Variants in ITGA2 observed in about 807,000 individuals in gnomAD.
ITGA2 encodes integrin subunit alpha 2.
Under a neutral mutation model 146.3 loss-of-function variants are expected in ITGA2, and 101 were observed. The observed-to-expected ratio is 0.69, with a 90% CI of 0.59 to 0.81. The LOEUF is 0.81. Among genes scored for constraint, ITGA2 ranks in the 40% least tolerant of loss-of-function variants. The probability of loss-of-function intolerance (pLI) is 0.00; values close to 1 mark genes in which losing one functional copy is unlikely to be tolerated. For missense variants in ITGA2, 1,281 were observed against 1,402.7 expected (o/e 0.91, Z 1.39); for synonymous variants, 477 against 487.1 (o/e 0.98, Z 0.27).
At chr5:53,012,278 T>C (rs974069024) in intron 1 of ITGA2, among the ~76,000 whole-genome samples, 4 of 152,182 alleles carry the variant, frequency 2.6e-5, no homozygotes, top group Non-Finnish European at 4.4e-5. Context: ...GATGAGTTTG[T>C]TCCTAATACA....
rs1271970386 is a variant in ITGA2 at position 53,048,622 on chromosome 5, CTTTCCTCT to C, written c.503-14_503-7del. 1 of 1,614,042 alleles carries C rather than the reference CTTTCCTCT, an allele frequency of 6.2e-7. No individual in the cohort carries two copies. The highest frequency in any genetic ancestry group is 1.1e-5 in the South Asian group (1 of 91,070). On this transcript the variant is annotated splice_polypyrimidine_tract_variant and intron_variant, in intron 5 of 29. Transcript: ENST00000296585. ...ATGACTTACCTGTGGAAATCTGCTT[CTTTCCTCT>C]TTTCCTGTGTAGCCTGCCCTTCCCT...
intron 2 of ITGA2, among the ~76,000 whole-genome samples, chr5:53,033,518 G>A (rs1160088043): frequency 6.6e-6 from 1 of 151,932 alleles, no homozygotes; most frequent in Non-Finnish European, 1.5e-5. Flanking sequence ...CTTACCATTA[G>A]GTTGTCCTGG....
intron 2 of ITGA2, among the ~76,000 whole-genome samples, chr5:53,035,531 C>T (rs1268511948): frequency 6.6e-6 from 1 of 152,034 alleles, no homozygotes. Flanking sequence ...CATAATGAGG[C>T]CTAAATACTA....
intron 27 of ITGA2, 132 bp from the exon 28 acceptor site, chr5:53,086,820 C>T (rs1179277488): frequency 1.4e-6 from 1 of 737,388 alleles, no homozygotes; most frequent in Non-Finnish European, 2.4e-6. Flanking sequence ...CACACAGATT[C>T]TGGATGGGTC....
At chr5:53,069,629 C>T (rs1182885311) in intron 16 of ITGA2, among the ~76,000 whole-genome samples, 1 of 151,912 alleles carries the variant, frequency 6.6e-6, no homozygotes, top group East Asian at 1.9e-4. Flanking sequence ...AATTATTTTA[C>T]ATCACTTATT....
intron 16 of ITGA2, among the ~76,000 whole-genome samples, chr5:53,068,356 T>G (rs1745237600): frequency 6.6e-6 from 1 of 151,920 alleles, no homozygotes; most frequent in Non-Finnish European, 1.5e-5. Context: ...TGAGCACACA[T>G]GATAGTTAAG....
chr5:53,007,977 C>T (rs1741939919), intron 1 of ITGA2, among the ~76,000 whole-genome samples: 1 of 151,970 alleles, frequency 6.6e-6, no homozygotes, highest in Non-Finnish European at 1.5e-5. Context: ...TATATCTGTC[C>T]TTATATTTAT....
intron 1 of ITGA2, 130 bp from the exon 2 acceptor site, chr5:53,026,618 T>TC: frequency 1.2e-6 from 1 of 810,176 alleles, no homozygotes; most frequent in Admixed American, 2.4e-5. Flanking sequence ...AGTTATTTTT[T>TC]CTGGGTAAAC....
chr5:53,056,598 T>G (rs1744646155), intron 9 of ITGA2, among the ~76,000 whole-genome samples: 1 of 152,066 alleles, frequency 6.6e-6, no homozygotes, highest in Non-Finnish European at 1.5e-5. Context: ...CACTGTGTTA[T>G]GTAAGTTCTA....
intron 11 of ITGA2, 43 bp downstream of exon 11, chr5:53,060,055 T>C: frequency 6.2e-7 from 1 of 1,601,746 alleles, no homozygotes; most frequent in African/African-American, 1.3e-5. Context: ...TAAGTTCCCT[T>C]GCTTTAAACC....
intron 2 of ITGA2, among the ~76,000 whole-genome samples, chr5:53,035,965 A>C (rs1743471993): frequency 6.6e-6 from 1 of 152,132 alleles, no homozygotes; most frequent in Non-Finnish European, 1.5e-5. Flanking sequence ...CTCTACTGAC[A>C]GCATCCCCTT....
chr5:53,024,277 C>T (rs976043467), intron 1 of ITGA2, among the ~76,000 whole-genome samples: 16 of 152,020 alleles, frequency 1.1e-4, no homozygotes, highest in African/African-American at 3.4e-4. Context: ...CAGTAAGATG[C>T]GAGTTGGAAT....
chr5:53,070,092 G>T lies in ITGA2; in HGVS notation c.2084-17G>T. ...TTGATTTGAAATAACATTTCTTTATGATTTTTTTTATCATAGCCATTGTAT... is the reference window on the plus strand; with the variant it reads ...TTGATTTGAAATAACATTTCTTTATTATTTTTTTTATCATAGCCATTGTAT... On this transcript the variant is annotated splice_polypyrimidine_tract_variant and intron_variant, in intron 16 of 29. Coordinates refer to ENST00000296585, the MANE Select transcript of ITGA2 (RefSeq NM_002203.4). 2 of 1,553,578 alleles carry T rather than the reference G, an allele frequency of 1.3e-6. No individual in the cohort carries two copies. The highest frequency in any genetic ancestry group is 2.3e-5 in the East Asian group (1 of 44,390).
In ITGA2 at chr5:53,055,974, T is replaced by TA. The variant is rs750054668; in HGVS notation, c.931-9dup. On this transcript the variant is annotated splice_polypyrimidine_tract_variant and intron_variant, in intron 8 of 29. Transcript: ENST00000296585. Reference sequence around the variant, plus strand: ...GTAATGACTGCACATTCTCTTCCTCTATTTTCAAGGTTCTTGGGTACTTAA... The same window carrying TA: ...GTAATGACTGCACATTCTCTTCCTCTAATTTTCAAGGTTCTTGGGTACTTAA... 2.5e-6 allele frequency: 4 copies of TA among 1,607,506 alleles called. No individual in the cohort carries two copies. The African/African-American group carries it at 5.4e-5, about 22-fold the overall frequency.
At chr5:53,074,498 T>C in intron 21 of ITGA2, 21 bp downstream of exon 21, 3 of 1,573,336 alleles carry the variant, frequency 1.9e-6, no homozygotes, top group East Asian at 4.5e-5. Flanking sequence ...CATTTCATCC[T>C]CCAATCCATA....
chr5:53,045,998 C>G (rs1744062653), intron 4 of ITGA2, among the ~76,000 whole-genome samples: 1 of 151,604 alleles, frequency 6.6e-6, no homozygotes, highest in South Asian at 2.1e-4. Context: ...CGAGACCAGC[C>G]TGGCCAACAT....
intron 9 of ITGA2, among the ~76,000 whole-genome samples, chr5:53,056,864 A>T (rs932038702): frequency 6.6e-6 from 1 of 151,740 alleles, no homozygotes; most frequent in Non-Finnish European, 1.5e-5. Context: ...CTAGTTCTTG[A>T]TGGTTAACCC....
chr5:53,011,604 A>G (rs1374044998), intron 1 of ITGA2, among the ~76,000 whole-genome samples: 1 of 152,126 alleles, frequency 6.6e-6, no homozygotes, highest in African/African-American at 2.4e-5. Flanking sequence ...GGATTTTTCT[A>G]CACAAAGATA....
chr5:53,040,302 C>T (rs1283929819), intron 2 of ITGA2, among the ~76,000 whole-genome samples: 4 of 152,122 alleles, frequency 2.6e-5, no homozygotes, highest in Non-Finnish European at 4.4e-5. Context: ...ATGCAAAAAT[C>T]AGAGTTAATG....
Sources: allele counts gnomAD v4.1 joint callset (sites outside exome capture counted in the v4.1 genomes callset), GRCh38; gene constraint gnomAD v4.1.1; transcripts MANE v1.5; gene names NCBI Gene and HGNC (gene_info 2026-07-23, HGNC 2026-07-21).